The following KCNIP1 variants were observed in gnomAD, a reference collection of about 807,000 sequenced individuals.
KCNIP1 encodes potassium voltage-gated channel interacting protein 1.
Under a neutral mutation model 33.0 loss-of-function variants are expected in KCNIP1, and 18 were observed. The ratio of observed to expected loss-of-function variants is 0.55; its 90% CI spans 0.38 to 0.81. The LOEUF is 0.81. Ranked by LOEUF, KCNIP1 falls within the 30% of genes least tolerant of loss-of-function variation. The probability of loss-of-function intolerance (pLI) is 0.00; values close to 1 mark genes in which losing one functional copy is unlikely to be tolerated. For synonymous variants in KCNIP1, 93 were observed against 98.3 expected (o/e 0.95, Z 0.32); for missense variants, 238 against 271.6 (o/e 0.88, Z 0.87).
intron 1 of KCNIP1, among the ~76,000 whole-genome samples, chr5:170,658,541 G>A (rs143223387): frequency 2.6e-5 from 4 of 152,312 alleles, no homozygotes; most frequent in East Asian, 1.9e-4. Context: ...CACAGAGATC[G>A]CTTTTCCTAG....
chr5:170,442,532 T>C (rs1756017566), intron 1 of KCNIP1, among the ~76,000 whole-genome samples: 1 of 152,100 alleles, frequency 6.6e-6, no homozygotes, highest in African/African-American at 2.4e-5. Flanking sequence ...AGGATGAGTT[T>C]CTCCAGGGAA....
chr5:170,528,194 C>G (rs1755650158), intron 1 of KCNIP1, among the ~76,000 whole-genome samples: 1 of 152,180 alleles, frequency 6.6e-6, no homozygotes. Context: ...GGCTCTGGCT[C>G]ACTGGGCCCT....
intron 5 of KCNIP1, among the ~76,000 whole-genome samples, chr5:170,724,208 C>A: frequency 6.6e-6 from 1 of 152,078 alleles, no homozygotes; most frequent in Non-Finnish European, 1.5e-5. Flanking sequence ...CTGGTGAATT[C>A]TAATATCAAT....
At chr5:170,724,526 T>C (rs1763941917) in intron 5 of KCNIP1, among the ~76,000 whole-genome samples, 1 of 152,170 alleles carries the variant, frequency 6.6e-6, no homozygotes, top group Non-Finnish European at 1.5e-5. Context: ...CAAAGGGATA[T>C]AGACTGGAAA....
chr5:170,358,025 C>T (rs1763393535), intron 1 of KCNIP1, among the ~76,000 whole-genome samples: 2 of 152,210 alleles, frequency 1.3e-5, no homozygotes, highest in Non-Finnish European at 2.9e-5. Context: ...TCTGGGGAAC[C>T]TGCGTCTTCC....
rs189252556 is a variant in KCNIP1, at chr5:170,605,960, C to A, written c.61+101327C>A. Among the ~76,000 whole-genome samples, 471 of 151,902 alleles carry A rather than the reference C, an allele frequency of 3.1e-3. 2 individuals are homozygous for A. The highest frequency in any genetic ancestry group is 0.011 in the African/African-American group (449 of 41,426). On this transcript the variant is annotated intron_variant, in intron 1 of 7. Transcript: ENST00000328939. ...TGGCTAAGTTTTGTATTTTTAGTAG[C>A]GACGGGGTTTTGCCATGTTGGCCAG... is the stretch of plus-strand genomic sequence containing the variant.
chr5:170,538,228 G>A (rs1349353376), intron 1 of KCNIP1, among the ~76,000 whole-genome samples: 2 of 152,282 alleles, frequency 1.3e-5, no homozygotes, highest in Admixed American at 6.5e-5. Context: ...TCCAAGGCAT[G>A]TTCTCAAGTA....
chr5:170,706,209 G>A (rs1461816885), intron 1 of KCNIP1, among the ~76,000 whole-genome samples: 1 of 152,184 alleles, frequency 6.6e-6, no homozygotes. Context: ...CAACAAAGAA[G>A]GGGTTTATTA....
chr5:170,503,497 G>A (rs576355535), upstream of KCNIP1, among the ~76,000 whole-genome samples: 3 of 152,092 alleles, frequency 2.0e-5, no homozygotes, highest in East Asian at 5.8e-4. Flanking sequence ...GGTGGGCCCT[G>A]CCATAGGAGG....
At chr5:170,411,872 G>A (rs1755199542) in intron 1 of KCNIP1, among the ~76,000 whole-genome samples, 1 of 152,192 alleles carries the variant, frequency 6.6e-6, no homozygotes, top group Non-Finnish European at 1.5e-5. Flanking sequence ...GAGGTCAGAA[G>A]AGGGGGCAGT....
At chr5:170,593,043 C>T (rs1758319044) in intron 1 of KCNIP1, among the ~76,000 whole-genome samples, 1 of 151,484 alleles carries the variant, frequency 6.6e-6, no homozygotes, top group Admixed American at 6.6e-5. Flanking sequence ...CAGACTCATT[C>T]GGAAGAATCT....
At chr5:170,685,723 A>T (rs578141848) in intron 1 of KCNIP1, among the ~76,000 whole-genome samples, 14 of 152,168 alleles carry the variant, frequency 9.2e-5, no homozygotes, top group Middle Eastern at 6.8e-3. Context: ...TCCTGACCTC[A>T]GGTGATCCAC....
At chr5:170,555,098 A>G (rs1756798866) in intron 1 of KCNIP1, among the ~76,000 whole-genome samples, 1 of 152,200 alleles carries the variant, frequency 6.6e-6, no homozygotes, top group Non-Finnish European at 1.5e-5. Context: ...CCATCTTCTC[A>G]GAACAAGAGT....
At chr5:170,479,610 TACCCCA>T (rs1480804587) in intron 1 of KCNIP1, among the ~76,000 whole-genome samples, 64 of 152,314 alleles carry the variant, frequency 4.2e-4, no homozygotes, top group African/African-American at 1.4e-3. Flanking sequence ...CAGCATGACA[TACCCCA>T]AGGAAAAATG....
chr5:170,417,425 C>T (rs1755358832), intron 1 of KCNIP1, among the ~76,000 whole-genome samples: 1 of 152,220 alleles, frequency 6.6e-6, no homozygotes, highest in South Asian at 2.1e-4. Context: ...TAGTGAGCCT[C>T]TTCCTCCCTG....
At chr5:170,477,878 G>A (rs922036191) in intron 1 of KCNIP1, among the ~76,000 whole-genome samples, 2 of 152,184 alleles carry the variant, frequency 1.3e-5, no homozygotes, top group African/African-American at 4.8e-5. Context: ...ACACAGTCCT[G>A]TCCTCAGAGC....
chr5:170,398,202 T>G (rs1754808620), intron 1 of KCNIP1, among the ~76,000 whole-genome samples: 1 of 152,208 alleles, frequency 6.6e-6, no homozygotes, highest in Non-Finnish European at 1.5e-5. Context: ...CAGGTTACTT[T>G]TGGAATGCCC....
At chr5:170,429,418 G>A (rs759461045) in intron 1 of KCNIP1, among the ~76,000 whole-genome samples, 1 of 152,030 alleles carries the variant, frequency 6.6e-6, no homozygotes, top group Non-Finnish European at 1.5e-5. Flanking sequence ...CATACTGTAG[G>A]TGAAGCAACT....
rs962356669 is a variant in KCNIP1, at chr5:170,618,402, G to A, written c.62-100356G>A. On this transcript the variant is annotated intron_variant, in intron 1 of 7. Coordinates refer to ENST00000328939, the MANE Select transcript of KCNIP1 (RefSeq NM_014592.4). ...TCATCTTCTCTATATCTCTTATAAG[G>A]AGGGAAGGAAGAAAGGGAGGGAAGG... Among the ~76,000 whole-genome samples, 9 of 149,864 alleles carry A rather than the reference G, an allele frequency of 6.0e-5. No homozygotes were observed. In the South Asian group the frequency reaches 1.7e-3, roughly 29 times the overall value.
Sources: allele counts gnomAD v4.1 joint callset (sites outside exome capture counted in the v4.1 genomes callset), GRCh38; gene constraint gnomAD v4.1.1; transcripts MANE v1.5; gene names NCBI Gene and HGNC (gene_info 2026-07-23, HGNC 2026-07-21).